MACROD2: variants seen among roughly 807,000 people sequenced by gnomAD.
The protein encoded by MACROD2 is ADP-ribose glycohydrolase MACROD2.
A neutral mutation model predicts 70.4 loss-of-function variants in MACROD2; 36 were observed. That is an observed-to-expected ratio of 0.51 (90% confidence interval 0.39 to 0.68). The LOEUF is 0.68. MACROD2 is among the 30% of genes least tolerant of loss of function. The probability of loss-of-function intolerance (pLI) is 0.00; values close to 1 mark genes in which losing one functional copy is unlikely to be tolerated. For missense variants in MACROD2, 496 were observed against 538.4 expected, an observed-to-expected ratio of 0.92 and a Z score of 0.78; for synonymous variants, 172 against 178.8, an observed-to-expected ratio of 0.96 and a Z score of 0.30.
Position 14,326,273 on chromosome 20 carries a change from T to A in MACROD2, c.272-167206T>A, listed in dbSNP as rs1389039305. 1 of 1,613,778 alleles carries A rather than the reference T, an allele frequency of 6.2e-7. No homozygotes were observed. Among genetic ancestry groups the A allele is most frequent in the African/African-American group, 1.3e-5 (1 of 74,892 alleles). On this transcript the variant is annotated intron_variant, in intron 3 of 17. Coordinates refer to ENST00000684519, the MANE Select transcript of MACROD2 (RefSeq NM_001351661.2). This position sits in a 1 kb window ranked among gnomAD's most constrained non-coding sequence, Gnocchi z 5.5. ...GAGGTGACAGACTTCACAGTAATTG[T>A]AATTGTTTTTCTTGAGGGACTCCCT...
chr20:15,321,423 C>T (rs1411911925), intron 6 of MACROD2, among the ~76,000 whole-genome samples: 1 of 144,158 alleles, frequency 6.9e-6, no homozygotes, highest in East Asian at 2.0e-4. Flanking sequence ...TTGCCATTTC[C>T]ACTTCCCAGT....
intron 3 of MACROD2, among the ~76,000 whole-genome samples, chr20:14,274,730 T>C (rs2082233420): frequency 6.6e-6 from 1 of 152,106 alleles, no homozygotes; most frequent in Non-Finnish European, 1.5e-5. Context: ...GATGACATGA[T>C]TGTATATGTA....
chr20:15,482,164 T>C (rs1235805345), intron 7 of MACROD2, among the ~76,000 whole-genome samples: 2 of 152,228 alleles, frequency 1.3e-5, no homozygotes, highest in African/African-American at 2.4e-5. Context: ...CTCTTAAACC[T>C]GGCTGAAGTA....
intron 5 of MACROD2, among the ~76,000 whole-genome samples, chr20:15,052,139 A>G (rs903118906): frequency 6.6e-6 from 1 of 152,156 alleles, no homozygotes; most frequent in Non-Finnish European, 1.5e-5. Context: ...TGCTTGCTGC[A>G]TTCATCTGTC....
intron 5 of MACROD2, among the ~76,000 whole-genome samples, chr20:14,881,580 C>G (rs1011248977): frequency 2.0e-5 from 3 of 152,032 alleles, no homozygotes; most frequent in African/African-American, 7.2e-5. Context: ...TCTTGCCAGT[C>G]AGCTGAGAAA....
intron 3 of MACROD2, among the ~76,000 whole-genome samples, chr20:14,163,244 T>C (rs2055217017): frequency 6.6e-6 from 1 of 152,192 alleles, no homozygotes; most frequent in Admixed American, 6.5e-5. Context: ...TGTCAGTTTT[T>C]TTTCTTTCAG....
intron 9 of MACROD2, among the ~76,000 whole-genome samples, chr20:15,881,424 C>T (rs1421424323): frequency 1.3e-5 from 2 of 152,060 alleles, no homozygotes; most frequent in Non-Finnish European, 2.9e-5. Context: ...AAACTGTCCT[C>T]ATGCACTAAG....
At chr20:15,789,723 A>G (rs746085113) in intron 8 of MACROD2, among the ~76,000 whole-genome samples, 3 of 152,032 alleles carry the variant, frequency 2.0e-5, no homozygotes, top group African/African-American at 7.2e-5. Flanking sequence ...TGGAAACACT[A>G]CATAAAGAAG....
intron 8 of MACROD2, among the ~76,000 whole-genome samples, chr20:15,796,737 C>A (rs1417570725): frequency 6.6e-6 from 1 of 152,188 alleles, no homozygotes; most frequent in Non-Finnish European, 1.5e-5. Flanking sequence ...CAGATGCCAT[C>A]AAATGTAACT....
At chr20:14,198,408 G>A (rs1184917372) in intron 3 of MACROD2, among the ~76,000 whole-genome samples, 2 of 152,156 alleles carry the variant, frequency 1.3e-5, no homozygotes, top group Non-Finnish European at 2.9e-5. Context: ...GATATAAGTT[G>A]ATGTATCAAT....
At chr20:15,142,533 T>C (rs1405334138) in intron 5 of MACROD2, among the ~76,000 whole-genome samples, 1 of 152,212 alleles carries the variant, frequency 6.6e-6, no homozygotes, top group Non-Finnish European at 1.5e-5. Flanking sequence ...TTATTATACT[T>C]TAAGTTCTAG....
intron 10 of MACROD2, chr20:15,893,516 A>G (rs1404111435): frequency 5.6e-6 from 2 of 360,106 alleles, no homozygotes; most frequent in Non-Finnish European, 1.1e-5. Flanking sequence ...GGCAGGTCCC[A>G]CTGGACTCAG....
At chr20:15,527,101 C>A (rs1418868152) in intron 8 of MACROD2, among the ~76,000 whole-genome samples, 3 of 152,132 alleles carry the variant, frequency 2.0e-5, no homozygotes, top group Non-Finnish European at 2.9e-5. Flanking sequence ...CTCCCCTTGT[C>A]TGAGCTCAGA....
At chr20:15,575,388 G>A (rs538838135) in intron 8 of MACROD2, among the ~76,000 whole-genome samples, 14 of 151,882 alleles carry the variant, frequency 9.2e-5, no homozygotes, top group African/African-American at 1.2e-4. Flanking sequence ...TGAATACCAT[G>A]AATGAATGAA....
intron 5 of MACROD2, among the ~76,000 whole-genome samples, chr20:15,000,076 C>G (rs1038780438): frequency 6.6e-6 from 1 of 152,006 alleles, no homozygotes. Flanking sequence ...GACTGGGAAC[C>G]AAGAGGACTT....
chr20:14,451,759 T>C (rs2084248284), intron 3 of MACROD2, among the ~76,000 whole-genome samples: 1 of 152,104 alleles, frequency 6.6e-6, no homozygotes, highest in Non-Finnish European at 1.5e-5. Flanking sequence ...TGCAAGAAAG[T>C]GGTAAGGCCA....
At chr20:14,055,971 A>T (rs956142292) in intron 2 of MACROD2, among the ~76,000 whole-genome samples, 1 of 152,096 alleles carries the variant, frequency 6.6e-6, no homozygotes, top group Non-Finnish European at 1.5e-5. Context: ...TTTTAATAAG[A>T]ACCCCAGACT....
chr20:15,653,709 A>G (rs6105447), intron 8 of MACROD2, among the ~76,000 whole-genome samples: 50,039 of 151,924 alleles, frequency 0.33, 11,031 homozygotes, highest in African/African-American at 0.63. Context: ...TCCTTGAATC[A>G]TTTCTCAACA....
chr20:14,218,340 C>T (rs1181104358), intron 3 of MACROD2, among the ~76,000 whole-genome samples: 1 of 152,156 alleles, frequency 6.6e-6, no homozygotes, highest in Non-Finnish European at 1.5e-5. Flanking sequence ...TACCCCTGCT[C>T]ACTTTTGGTG....
Sources: allele counts gnomAD v4.1 joint callset (sites outside exome capture counted in the v4.1 genomes callset), GRCh38; gene constraint gnomAD v4.1.1; non-coding constraint Gnocchi (gnomAD v3.1); transcripts MANE v1.5; gene names NCBI Gene and HGNC (gene_info 2026-07-23, HGNC 2026-07-21).